SLC24A2: variants seen among roughly 807,000 people sequenced by gnomAD.
The protein encoded by SLC24A2 is sodium/potassium/calcium exchanger 2.
In SLC24A2, 36 loss-of-function variants were observed where a neutral mutation model predicts 62.0. The observed-to-expected ratio is 0.58, with a 90% CI of 0.44 to 0.77. The LOEUF is 0.77. Among genes scored for constraint, SLC24A2 ranks in the 30% least tolerant of loss-of-function variants. SLC24A2 has a pLI of 0.00. For missense variants in SLC24A2, 846 were observed against 817.9 expected, an observed-to-expected ratio of 1.03 and a Z score of -0.42; for synonymous variants, 358 against 294.0, an observed-to-expected ratio of 1.22 and a Z score of -2.23.
intron 2 of SLC24A2, among the ~76,000 whole-genome samples, chr9:19,744,583 T>C (rs1412356853): frequency 6.6e-6 from 1 of 152,182 alleles, no homozygotes; most frequent in Non-Finnish European, 1.5e-5. Context: ...CAACTGATGT[T>C]GTCACATGGA....
chr9:20,057,822 G>A, the SLC24A2 span, among the ~76,000 whole-genome samples: 419 of 152,276 alleles, frequency 2.8e-3, 2 homozygotes, highest in Non-Finnish European at 4.1e-3. Context: ...TTTTACAGGT[G>A]AGAAAACTGA....
chr9:19,561,521 G>A (rs190773439), intron 7 of SLC24A2, among the ~76,000 whole-genome samples: 21 of 139,398 alleles, frequency 1.5e-4, no homozygotes, highest in Admixed American at 3.0e-4. Flanking sequence ...TGCAACCTCC[G>A]CCTCCTGGGT....
At chr9:20,300,399 C>A in the SLC24A2 span, among the ~76,000 whole-genome samples, 1 of 152,124 alleles carries the variant, frequency 6.6e-6, no homozygotes, top group African/African-American at 2.4e-5. Context: ...TATAAAATGG[C>A]CTTGTCAAAG....
the SLC24A2 span, among the ~76,000 whole-genome samples, chr9:19,900,199 G>A: frequency 2.0e-5 from 3 of 152,108 alleles, no homozygotes; most frequent in Admixed American, 2.0e-4. Flanking sequence ...CTATCTTTAT[G>A]AGCTCTATTT....
chr9:19,543,925 T>A (rs1834413773), intron 8 of SLC24A2, among the ~76,000 whole-genome samples: 1 of 152,050 alleles, frequency 6.6e-6, no homozygotes, highest in African/African-American at 2.4e-5. Flanking sequence ...GGGTAGAGAG[T>A]TCTGTAGATG....
At chr9:19,557,246 A>G (rs1252476680) in intron 7 of SLC24A2, among the ~76,000 whole-genome samples, 3 of 152,230 alleles carry the variant, frequency 2.0e-5, no homozygotes. Context: ...TTTGTAATAA[A>G]TTAAACCCAT....
intron 2 of SLC24A2, among the ~76,000 whole-genome samples, chr9:19,714,438 CAAAAT>C (rs71335445): frequency 1.3e-5 from 2 of 151,894 alleles, no homozygotes; most frequent in East Asian, 1.9e-4. Flanking sequence ...TAAAATAAAA[CAAAAT>C]AAAATAAAAT....
At chr9:20,122,358 A>T in the SLC24A2 span, among the ~76,000 whole-genome samples, 1 of 152,288 alleles carries the variant, frequency 6.6e-6, no homozygotes, top group South Asian at 2.1e-4. Context: ...TTTCGATCCC[A>T]ATGTCATGAA....
chr9:20,275,133 C>A, the SLC24A2 span, among the ~76,000 whole-genome samples: 3 of 152,052 alleles, frequency 2.0e-5, no homozygotes, highest in Non-Finnish European at 2.9e-5. Flanking sequence ...TAAGACATAA[C>A]AACAGCAAGA....
the SLC24A2 span, among the ~76,000 whole-genome samples, chr9:20,127,353 T>C: frequency 2.4e-3 from 362 of 152,296 alleles, 1 homozygote; most frequent in African/African-American, 8.4e-3. Flanking sequence ...TTTTCTTTTA[T>C]GAAAACATCA....
At chr9:19,762,768 CT>C (rs1822377139) in intron 2 of SLC24A2, among the ~76,000 whole-genome samples, 1 of 128,090 alleles carries the variant, frequency 7.8e-6, no homozygotes, top group African/African-American at 3.0e-5. Context: ...GTTCTTTTTG[CT>C]TAGGATTGTC....
At chr9:20,013,298 A>G in the SLC24A2 span, among the ~76,000 whole-genome samples, 1 of 152,212 alleles carries the variant, frequency 6.6e-6, no homozygotes, top group Non-Finnish European at 1.5e-5. Context: ...TTCCAAGGAC[A>G]CACAATGGAG....
At chr9:20,010,026 C>A in the SLC24A2 span, among the ~76,000 whole-genome samples, 1 of 152,174 alleles carries the variant, frequency 6.6e-6, no homozygotes, top group African/African-American at 2.4e-5. Flanking sequence ...TGCAACCCTG[C>A]CCAATCAGAT....
intron 2 of SLC24A2, among the ~76,000 whole-genome samples, chr9:19,678,709 T>C (rs1291450135): frequency 6.6e-6 from 1 of 152,200 alleles, no homozygotes; most frequent in Non-Finnish European, 1.5e-5. Flanking sequence ...AGTTCATACA[T>C]GCTGGCATTT....
At chr9:20,174,652 T>C in the SLC24A2 span, among the ~76,000 whole-genome samples, 5 of 152,158 alleles carry the variant, frequency 3.3e-5, no homozygotes, top group Non-Finnish European at 7.4e-5. Context: ...CACAATGCAA[T>C]ACCGCCTTAT....
the SLC24A2 span, among the ~76,000 whole-genome samples, chr9:19,803,572 C>G: frequency 1.3e-5 from 2 of 151,944 alleles, no homozygotes; most frequent in Non-Finnish European, 2.9e-5. Context: ...TTTAAGTAAC[C>G]ATATTCAATC....
the SLC24A2 span, among the ~76,000 whole-genome samples, chr9:20,215,133 T>A: frequency 6.6e-6 from 1 of 152,204 alleles, no homozygotes; most frequent in Non-Finnish European, 1.5e-5. Flanking sequence ...TGAGAGTCAG[T>A]TGCCTGGTTC....
the SLC24A2 span, among the ~76,000 whole-genome samples, chr9:19,940,310 C>A: frequency 2.0e-5 from 3 of 152,208 alleles, no homozygotes; most frequent in Admixed American, 6.5e-5. Flanking sequence ...ATAAGCCTTG[C>A]CACATGACTT....
the SLC24A2 span, among the ~76,000 whole-genome samples, chr9:19,873,471 C>A: frequency 1.4e-5 from 2 of 141,648 alleles, no homozygotes; most frequent in Non-Finnish European, 3.0e-5. Context: ...CTTTTTCTTT[C>A]TCTCTCTCCT....
Sources: gnomAD v4.1 joint callset for allele counts (sites outside exome capture counted in the v4.1 genomes callset) on GRCh38, gnomAD v4.1.1 for gene constraint, MANE v1.5 for transcripts, NCBI Gene and HGNC (gene_info 2026-07-23, HGNC 2026-07-21) for gene names.